The following CADM2 variants were observed in gnomAD, a reference collection of about 807,000 sequenced individuals.
The protein encoded by CADM2 is cell adhesion molecule 2, also known as immunoglobulin superfamily member 4D.
Under a neutral mutation model 49.8 loss-of-function variants are expected in CADM2, and 12 were observed. That is an observed-to-expected ratio of 0.24 (90% CI 0.15 to 0.39). The LOEUF (loss-of-function observed/expected upper bound fraction) is 0.39, where lower values mean the gene tolerates loss of function less well. Among genes scored for constraint, CADM2 ranks in the 10% least tolerant of loss-of-function variants. The probability of loss-of-function intolerance (pLI) is 1.00; values close to 1 mark genes in which losing one functional copy is unlikely to be tolerated. For synonymous variants in CADM2, 214 were observed against 175.4 expected (o/e 1.22, Z -1.74); for missense variants, 378 against 492.3 (o/e 0.77, Z 2.20).
At chr3:85,579,557 G>A (rs2062734496) in intron 1 of CADM2, among the ~76,000 whole-genome samples, 1 of 152,086 alleles carries the variant, frequency 6.6e-6, no homozygotes. Flanking sequence ...TTGTTAACAT[G>A]CAATGAAATA....
At chr3:85,308,200 C>G (rs2044258947) in intron 1 of CADM2, among the ~76,000 whole-genome samples, 1 of 151,582 alleles carries the variant, frequency 6.6e-6, no homozygotes, top group Admixed American at 6.6e-5. Context: ...TTTGATTTTA[C>G]TGAGTAGGGT....
At chr3:85,411,061 T>G (rs1256064397) in intron 1 of CADM2, among the ~76,000 whole-genome samples, 2 of 152,220 alleles carry the variant, frequency 1.3e-5, no homozygotes, top group Non-Finnish European at 2.9e-5. Context: ...TAGTGCACTC[T>G]GAAGTACAAA....
chr3:84,969,002 A>G (rs549663963), intron 1 of CADM2, among the ~76,000 whole-genome samples: 1 of 152,154 alleles, frequency 6.6e-6, no homozygotes, highest in South Asian at 2.1e-4. Flanking sequence ...AGAGACAGAC[A>G]TCTTTTTCTT....
At chr3:85,576,527 C>T (rs2062637890) in intron 1 of CADM2, among the ~76,000 whole-genome samples, 1 of 152,094 alleles carries the variant, frequency 6.6e-6, no homozygotes, top group South Asian at 2.1e-4. Context: ...TGTTTACACA[C>T]ACATATGGAG....
intron 2 of CADM2, among the ~76,000 whole-genome samples, chr3:85,778,187 A>T (rs1024005061): frequency 1.3e-5 from 2 of 152,306 alleles, no homozygotes; most frequent in South Asian, 4.1e-4. Flanking sequence ...TGTTCAAAAA[A>T]TTCGCCTGTT....
chr3:85,763,260 T>C (rs1012239636), intron 2 of CADM2, among the ~76,000 whole-genome samples: 6 of 152,208 alleles, frequency 3.9e-5, no homozygotes, highest in Admixed American at 3.3e-4. Context: ...ATTCCAACTA[T>C]GATTATTTGG....
intron 1 of CADM2, among the ~76,000 whole-genome samples, chr3:85,421,706 A>G (rs1044973007): frequency 1.3e-5 from 2 of 152,124 alleles, no homozygotes; most frequent in African/African-American, 4.8e-5. Flanking sequence ...TTCATTTACC[A>G]TATTTACTCA....
chr3:85,914,253 G>A (rs565595859), intron 6 of CADM2, among the ~76,000 whole-genome samples: 80 of 152,118 alleles, frequency 5.3e-4, no homozygotes, highest in African/African-American at 1.8e-3. Flanking sequence ...ACATTTATTT[G>A]TATTTTGGCT....
At chr3:85,093,649 A>T (rs560499483) in intron 1 of CADM2, among the ~76,000 whole-genome samples, 17 of 152,316 alleles carry the variant, frequency 1.1e-4, no homozygotes, top group Admixed American at 7.2e-4. Context: ...TCTATAAAAT[A>T]ATATTTCCGA....
intron 1 of CADM2, among the ~76,000 whole-genome samples, chr3:85,598,100 G>T (rs1186408383): frequency 5.3e-5 from 8 of 151,956 alleles, no homozygotes; most frequent in Non-Finnish European, 1.5e-5. Context: ...GGAGACTTCA[G>T]ACCGACACGG....
chr3:85,247,358 A>T (rs866090127), intron 1 of CADM2, among the ~76,000 whole-genome samples: 3 of 152,248 alleles, frequency 2.0e-5, no homozygotes, highest in Admixed American at 6.5e-5. Flanking sequence ...TACATGAAAG[A>T]TAATCTTTTT....
At chr3:85,807,212 A>G (rs1177521102) in intron 3 of CADM2, among the ~76,000 whole-genome samples, 1 of 152,078 alleles carries the variant, frequency 6.6e-6, no homozygotes, top group Non-Finnish European at 1.5e-5. Flanking sequence ...AGATTAAGAC[A>G]GAAGGGCCAG....
chr3:85,000,737 A>G (rs997456613), intron 1 of CADM2, among the ~76,000 whole-genome samples: 1 of 151,492 alleles, frequency 6.6e-6, no homozygotes, highest in Non-Finnish European at 1.5e-5. Flanking sequence ...TGAAACACAC[A>G]TACATTTTTG....
In CADM2 at chr3:85,120,819, T is replaced by TA. The variant is rs201603003; in HGVS notation, c.61+161156dup. Among the ~76,000 whole-genome samples the TA allele has an allele frequency of 6.1e-3, 922 of 151,868 alleles. 14 individuals carry two copies. The highest frequency in any genetic ancestry group is 0.021 in the African/African-American group (858 of 41,398). ...TCTTACCCCAGAACTTAAAGTATAATAAAAAGAAAATGAAAATAAAAAAAA... is the reference window on the plus strand; with the variant it reads ...TCTTACCCCAGAACTTAAAGTATAATAAAAAAGAAAATGAAAATAAAAAAAA... On this transcript the variant is annotated intron_variant, in intron 1 of 9. Coordinates refer to ENST00000383699, the MANE Select transcript of CADM2 (RefSeq NM_001167675.2).
intron 8 of CADM2, chr3:86,014,311 T>G: frequency 1.5e-6 from 2 of 1,367,032 alleles, no homozygotes; most frequent in Non-Finnish European, 2.0e-6. Context: ...GTCCTATCTT[T>G]TACAAGAGCC....
intron 2 of CADM2, 91 bp downstream of exon 2, chr3:85,726,639 G>A: frequency 1.0e-6 from 1 of 955,050 alleles, no homozygotes; most frequent in Non-Finnish European, 1.7e-6. Flanking sequence ...CAATTCGGTT[G>A]GTGATAATAC....
chr3:85,384,672 TGTG>T (rs1172171653), intron 1 of CADM2, among the ~76,000 whole-genome samples: 4 of 107,318 alleles, frequency 3.7e-5, no homozygotes, highest in Admixed American at 1.7e-4. Flanking sequence ...TCAAAAAAAA[TGTG>T]TGTGTGTGTG....
chr3:85,342,468 A>G (rs1352197737), intron 1 of CADM2, among the ~76,000 whole-genome samples: 3 of 152,040 alleles, frequency 2.0e-5, no homozygotes, highest in African/African-American at 7.2e-5. Context: ...TAATTTATTA[A>G]TTGGGGAGAT....
intron 8 of CADM2, among the ~76,000 whole-genome samples, chr3:86,034,629 C>G (rs1024198406): frequency 1.3e-5 from 2 of 152,064 alleles, no homozygotes; most frequent in Admixed American, 1.3e-4. Context: ...CATTAAACCT[C>G]TATGTTGTAG....
Sources: allele counts gnomAD v4.1 joint callset (sites outside exome capture counted in the v4.1 genomes callset), GRCh38; gene constraint gnomAD v4.1.1; transcripts MANE v1.5; gene names NCBI Gene and HGNC (gene_info 2026-07-23, HGNC 2026-07-21).